The following PCDHGC5 variants were observed in gnomAD, a reference collection of about 807,000 sequenced individuals.
PCDHGC5 encodes the protein protocadherin gamma-C5.
A neutral mutation model predicts 59.0 loss-of-function variants in PCDHGC5; 25 were observed. The observed-to-expected ratio is 0.42, with a 90% CI of 0.31 to 0.59. The LOEUF (loss-of-function observed/expected upper bound fraction) is 0.59, where lower values mean the gene tolerates loss of function less well. Among genes scored for constraint, PCDHGC5 ranks in the 20% least tolerant of loss-of-function variants. The probability of loss-of-function intolerance (pLI) is 0.13; values close to 1 mark genes in which losing one functional copy is unlikely to be tolerated. For synonymous variants in PCDHGC5, 434 were observed against 505.5 expected (o/e 0.86, Z 1.90); for missense variants, 1,067 against 1,206.4 (o/e 0.88, Z 1.71).
rs1194909537 is a variant in PCDHGC5 at position 141,511,022 on chromosome 5, T to C, written c.2684T>C (p.Phe895Ser). 1 of 1,614,176 alleles carries C rather than the reference T, an allele frequency of 6.2e-7. No individual in the cohort carries two copies. The highest frequency in any genetic ancestry group is 8.5e-7 in the Non-Finnish European group (1 of 1,180,020). ...MGLSARYGPQ[F>S]TLQHVPDYRQ... ...TTGAGCGCCCGCTACGGACCCCAGT[T>C]CACCCTGCAGCACGTGCCCGACTAC... The change falls in exon 4 of 4, where the codon TTC becomes TCC. Residue 895 changes from phenylalanine (F) to serine (S), a missense_variant. Transcript: ENST00000252087.
At chr5:141,510,139 G>T (rs931012964) in intron 3 of PCDHGC5, among the ~76,000 whole-genome samples, 1 of 152,136 alleles carries the variant, frequency 6.6e-6, no homozygotes, top group Non-Finnish European at 1.5e-5. Context: ...CTGGGCTAGT[G>T]GTGTGCACCT....
intron 2 of PCDHGC5, 143 bp downstream of exon 2, chr5:141,495,008 G>A (rs2099758236): frequency 6.6e-7 from 1 of 1,521,900 alleles, no homozygotes; most frequent in Non-Finnish European, 8.8e-7. Context: ...TGGTGTGCGG[G>A]GGGCTGGCAC....
In PCDHGC5 at chr5:141,490,023, G is replaced by A. The variant is rs1306715385; in HGVS notation, c.783G>A (p.Leu261=). The A allele has an allele frequency of 1.2e-6, 2 of 1,614,134 alleles. No homozygotes were observed. Among genetic ancestry groups the A allele is most frequent in the Non-Finnish European group, 1.7e-6 (2 of 1,180,060 alleles). The change falls in exon 1 of 4, where the codon CTG becomes CTA. Residue 261 remains leucine, a synonymous_variant. Transcript: ENST00000252087. This position sits in a 1 kb window ranked among gnomAD's most constrained non-coding sequence, Gnocchi z 5.4. ...AGAATGCACCCATTGGTACTCTGCT[G>A]CTCCGCCTCAATGCCACTGATCCAG... is the stretch of plus-strand genomic sequence containing the variant. ...IPENAPIGTL[L]LRLNATDPDE... is the part of the protein sequence containing the mutation.
chr5:141,511,374 CA>C lies in PCDHGC5; in HGVS notation c.*202del. ...CCCCAGGGGGTTGAATATGCAAAAG[CA>C]GTTCCGCTGGGAACCCCCATCCAAT... On this transcript the variant is annotated 3_prime_UTR_variant, in exon 4 of 4. Coordinates refer to ENST00000252087, the MANE Select transcript of PCDHGC5 (RefSeq NM_018929.3). The C allele has an allele frequency of 8.0e-7, 1 of 1,242,392 alleles. No individual in the cohort carries two copies. 77.0% of individuals were successfully genotyped at this position (1,242,392 alleles called of 1,614,324 possible).
chr5:141,497,374 T>C (rs2099776044), intron 2 of PCDHGC5, among the ~76,000 whole-genome samples: 1 of 152,112 alleles, frequency 6.6e-6, no homozygotes, highest in Non-Finnish European at 1.5e-5. Flanking sequence ...ATGTGTCCTC[T>C]GGGGTGAGCA....
At position 141,490,357 on chromosome 5, in the gene PCDHGC5, A is replaced by G; in HGVS notation, c.1117A>G (p.Asn373Asp). ...TPVGTVVGLFNVRDRDSGRNG... is the reference protein window; with the variant it reads ...TPVGTVVGLFDVRDRDSGRNG... ...AGTGGGCACAGTAGTGGGGTTGTTT[A>G]ATGTGCGAGACCGGGACTCAGGTAG... The change falls in exon 1 of 4, where the codon AAT becomes GAT. Residue 373 changes from asparagine (N) to aspartate (D), a missense_variant. Transcript: ENST00000252087. This position sits in a 1 kb window ranked among gnomAD's most constrained non-coding sequence, Gnocchi z 5.4. The G allele has an allele frequency of 6.2e-7, 1 of 1,614,178 alleles. No individual in the cohort carries two copies. The highest frequency in any genetic ancestry group is 8.5e-7 in the Non-Finnish European group (1 of 1,180,030).
Position 141,489,555 on chromosome 5 carries a change from A to G in PCDHGC5, c.315A>G (p.Pro105=), listed in dbSNP as rs909307566. ...LCGASTSCLL[P]VQVVTEHPLE... ...GAGCCAGCACCAGCTGCCTGCTGCC[A>G]GTGCAGGTGGTGACTGAACACCCCC... is the stretch of plus-strand genomic sequence containing the variant. Residue 105 remains proline (P), a synonymous_variant, in exon 1 of 4, where the codon CCA becomes CCG. Transcript: ENST00000252087. The surrounding 1 kb of genome is among the most constrained non-coding windows in gnomAD (Gnocchi z 4.5). 2.5e-6 allele frequency: 4 copies of G among 1,613,998 alleles called. No homozygotes were observed. The African/African-American group carries it at 5.3e-5, about 22-fold the overall frequency.
rs1267722283 is a variant in PCDHGC5 at position 141,493,105 on chromosome 5, G to A, written c.2460+1405G>A. Reference sequence around the variant, plus strand: ...GAGCTTTTATTCAAAATATATCAATGCCTAACTCTGCTCCTAGGACTGTAT... The same window carrying A: ...GAGCTTTTATTCAAAATATATCAATACCTAACTCTGCTCCTAGGACTGTAT... On this transcript the variant is annotated intron_variant, in intron 1 of 3. Coordinates refer to ENST00000252087, the MANE Select transcript of PCDHGC5 (RefSeq NM_018929.3). This position sits in a 1 kb window ranked among gnomAD's most constrained non-coding sequence, Gnocchi z 4.3. Among the ~76,000 whole-genome samples, 1 of 152,076 alleles carries A rather than the reference G, an allele frequency of 6.6e-6. No homozygotes were observed. Among genetic ancestry groups the A allele is most frequent in the Non-Finnish European group, 1.5e-5 (1 of 67,994 alleles).
chr5:141,500,173 T>G (rs1666567886), intron 2 of PCDHGC5, among the ~76,000 whole-genome samples: 1 of 149,340 alleles, frequency 6.7e-6, no homozygotes, highest in East Asian at 1.9e-4. Context: ...ATGCATGAGC[T>G]TCATTTTTAT....
intron 3 of PCDHGC5, 72 bp from the exon 4 acceptor site, chr5:141,510,875 C>T: frequency 6.2e-7 from 1 of 1,610,120 alleles, no homozygotes; most frequent in Admixed American, 1.7e-5. Context: ...TCATTAACTG[C>T]TGGGGATATA....
Position 141,512,160 on chromosome 5 carries a change from G to A in PCDHGC5, c.*987G>A, listed in dbSNP as rs1227447365. On this transcript the variant is annotated 3_prime_UTR_variant, in exon 4 of 4. Coordinates refer to ENST00000252087, the MANE Select transcript of PCDHGC5 (RefSeq NM_018929.3). ...CAGCCAGCTTTGGGCTGAGCTAACA[G>A]GACCAATGGATTAAACTGGCATTTC... 1 of 152,730 alleles carries A rather than the reference G, an allele frequency of 6.5e-6. No individual in the cohort carries two copies. Among genetic ancestry groups the A allele is most frequent in the African/African-American group, 2.4e-5 (1 of 41,456 alleles). The allele number at this position is 152,730 out of a possible 1,614,324, so 9.5% of individuals were successfully genotyped here.
At chr5:141,497,212 G>C (rs968445663) in intron 2 of PCDHGC5, among the ~76,000 whole-genome samples, 2 of 151,018 alleles carry the variant, frequency 1.3e-5, no homozygotes, top group East Asian at 3.9e-4. Context: ...AGTGTAATGG[G>C]GGGGGGAAGA....
rs2099884060 is a variant in PCDHGC5 at position 141,512,057 on chromosome 5, A to T, written c.*884A>T. 1 of 152,768 alleles carries T rather than the reference A, an allele frequency of 6.5e-6. No individual in the cohort carries two copies. Among genetic ancestry groups the T allele is most frequent in the South Asian group, 2.1e-4 (1 of 4,832 alleles). 9.5% of individuals were successfully genotyped at this position (152,768 alleles called of 1,614,324 possible). ...GGCTCTGTATGTCCTCAGGGGACTG[A>T]CAACATCCTCCAGATTCCAGCCATA... is the stretch of plus-strand genomic sequence containing the variant. On this transcript the variant is annotated 3_prime_UTR_variant, in exon 4 of 4. Coordinates refer to ENST00000252087, the MANE Select transcript of PCDHGC5 (RefSeq NM_018929.3).
rs777761385 is a variant in PCDHGC5 at position 141,489,558 on chromosome 5, G to T, written c.318G>T (p.Val106=). 1.1e-5 allele frequency: 17 copies of T among 1,614,130 alleles called. No homozygotes were observed. In the South Asian group the frequency reaches 1.8e-4, roughly 17 times the overall value. Residue 106 remains valine (V), a synonymous_variant, in exon 1 of 4, where the codon GTG becomes GTT. Coordinates refer to ENST00000252087, the MANE Select transcript of PCDHGC5 (RefSeq NM_018929.3). The surrounding 1 kb of genome is among the most constrained non-coding windows in gnomAD (Gnocchi z 4.5). Reference sequence around the variant, plus strand: ...CCAGCACCAGCTGCCTGCTGCCAGTGCAGGTGGTGACTGAACACCCCCTGG... The same window carrying T: ...CCAGCACCAGCTGCCTGCTGCCAGTTCAGGTGGTGACTGAACACCCCCTGG... ...CGASTSCLLP[V]QVVTEHPLEL...
At chr5:141,504,528 C>T (rs750099460) in intron 2 of PCDHGC5, among the ~76,000 whole-genome samples, 2 of 151,854 alleles carry the variant, frequency 1.3e-5, no homozygotes, top group Non-Finnish European at 2.9e-5. Flanking sequence ...ATATTTTATT[C>T]GTGTCATCAT....
chr5:141,500,367 C>A (rs953610460), intron 2 of PCDHGC5, among the ~76,000 whole-genome samples: 7 of 151,940 alleles, frequency 4.6e-5, no homozygotes, highest in African/African-American at 1.7e-4. Context: ...CACTACCACG[C>A]CCGGCTAATT....
rs2099883627 is a variant in PCDHGC5, at chr5:141,511,136, G to A, written c.2798G>A (p.Gly933Asp). 4.3e-6 allele frequency: 7 copies of A among 1,614,194 alleles called. No homozygotes were observed. The East Asian group carries it at 1.6e-4, about 36-fold the overall frequency. The change falls in exon 4 of 4, where the codon GGC (glycine) becomes GAC (aspartate). Residue 933 changes from glycine (G) to aspartate (D), a missense_variant. Physicochemically the swap from Gly to Asp is moderately conservative, Grantham distance 94. Coordinates refer to ENST00000252087, the MANE Select transcript of PCDHGC5 (RefSeq NM_018929.3). ...GGCAAGGCCCCAGCAGGTGGCAATG[G>A]CAACAAGAAGAAGTCGGGCAAGAAG... Reference protein sequence around the residue: ...RDGKAPAGGNGNKKKSGKKEK... With the variant: ...RDGKAPAGGNDNKKKSGKKEK...
chr5:141,501,290 T>TACACATAC (rs1224133816), intron 2 of PCDHGC5, among the ~76,000 whole-genome samples: 1,510 of 136,196 alleles, frequency 0.011, 8 homozygotes, highest in Admixed American at 0.014. Flanking sequence ...TATTCCCTTA[T>TACACATAC]ACACACACAC....
rs1049654933 is a variant in PCDHGC5 at position 141,497,808 on chromosome 5, A to G, written c.2519+2943A>G. 2.6e-5 allele frequency among the ~76,000 whole-genome samples: 4 copies of G among 152,282 alleles called. No homozygotes were observed. The East Asian group carries it at 7.7e-4, about 29-fold the overall frequency. Reference sequence around the variant, plus strand: ...ACCTGCTTCAGCTTCCCAAAGTGCTAGAATTACAGGTGTGATCGCCCCCGG... The same window carrying G: ...ACCTGCTTCAGCTTCCCAAAGTGCTGGAATTACAGGTGTGATCGCCCCCGG... On this transcript the variant is annotated intron_variant, in intron 2 of 3. Coordinates refer to ENST00000252087, the MANE Select transcript of PCDHGC5 (RefSeq NM_018929.3).
Sources: gnomAD v4.1 joint callset for allele counts (sites outside exome capture counted in the v4.1 genomes callset) on GRCh38, gnomAD v4.1.1 for gene constraint, Gnocchi (gnomAD v3.1) non-coding constraint, MANE v1.5 for transcripts, NCBI Gene and HGNC (gene_info 2026-07-23, HGNC 2026-07-21) for gene names.